Variants in NUDCD3 observed in about 807,000 individuals in gnomAD.
NUDCD3 encodes the protein nudC domain-containing protein 3.
NUDCD3 carries 13 observed loss-of-function variants against 39.7 expected under a neutral mutation model. That is an observed-to-expected ratio of 0.33 (90% CI 0.21 to 0.52). The LOEUF is 0.52. Ranked by LOEUF, NUDCD3 falls within the 20% of genes least tolerant of loss-of-function variation. The pLI, the probability that NUDCD3 is intolerant of heterozygous loss-of-function variation, is 0.96. For missense variants in NUDCD3, 453 were observed against 458.1 expected (o/e 0.99, Z 0.10); for synonymous variants, 175 against 172.4 (o/e 1.02, Z -0.12).
intron 5 of NUDCD3, among the ~76,000 whole-genome samples, chr7:44,386,360 C>T (rs568943253): frequency 6.6e-6 from 1 of 152,336 alleles, no homozygotes; most frequent in African/African-American, 2.4e-5. Flanking sequence ...TCTAACCCTC[C>T]ATCTTCTGTC....
At chr7:44,438,780 A>T (rs994589958) in intron 2 of NUDCD3, among the ~76,000 whole-genome samples, 3 of 152,208 alleles carry the variant, frequency 2.0e-5, no homozygotes, top group Non-Finnish European at 4.4e-5. Context: ...ATGGAATGAA[A>T]TACGCAAGAT....
chr7:44,401,859 T>C (rs1798733315), intron 4 of NUDCD3, among the ~76,000 whole-genome samples: 3 of 152,220 alleles, frequency 2.0e-5, no homozygotes, highest in African/African-American at 7.2e-5. Context: ...GGGATTGTGC[T>C]ATGGCCCCGG....
At chr7:44,471,303 A>C (rs1800252918) in intron 2 of NUDCD3, among the ~76,000 whole-genome samples, 1 of 152,238 alleles carries the variant, frequency 6.6e-6, no homozygotes, top group Admixed American at 6.5e-5. Flanking sequence ...ATGCTATGTA[A>C]ATAGTTGTTA....
At chr7:44,490,370 G>A in intron 1 of NUDCD3, 39 bp downstream of exon 1, 1 of 1,486,254 alleles carries the variant, frequency 6.7e-7, no homozygotes, top group South Asian at 1.3e-5. Context: ...GGCAGGCCGG[G>A]GGCGGCGGCT....
chr7:44,402,899 C>T (rs770330260), intron 4 of NUDCD3: 1 of 274,432 alleles, frequency 3.6e-6, no homozygotes, highest in Non-Finnish European at 7.5e-6. Flanking sequence ...GCTCTCATAC[C>T]TCCACAACCA....
chr7:44,409,246 G>C (rs1176882557), intron 3 of NUDCD3, among the ~76,000 whole-genome samples: 2 of 152,164 alleles, frequency 1.3e-5, no homozygotes, highest in Non-Finnish European at 2.9e-5. Context: ...TAAAGGCTAA[G>C]GCAGTTTTTA....
At chr7:44,463,924 C>A (rs1393885821) in intron 2 of NUDCD3, among the ~76,000 whole-genome samples, 2 of 152,024 alleles carry the variant, frequency 1.3e-5, no homozygotes, top group East Asian at 3.9e-4. Context: ...CCAAAAGAAT[C>A]ATTTCCTGGC....
Position 44,427,557 on chromosome 7 carries a change from G to C in NUDCD3, c.642+14C>G. 6.2e-7 allele frequency: 1 copy of C among 1,609,118 alleles called. No homozygotes were observed. Among genetic ancestry groups the C allele is most frequent in the Non-Finnish European group, 8.5e-7 (1 of 1,177,590 alleles). ...TGGGTGAAGCCGCCCACCCCTACCC[G>C]CCAAGGCCATTACCTGCTTTCCCTT... On this transcript the variant is annotated intron_variant, in intron 3 of 5. Transcript: ENST00000355451.
chr7:44,453,380 TA>T (rs1002022181), intron 2 of NUDCD3, among the ~76,000 whole-genome samples: 1 of 151,450 alleles, frequency 6.6e-6, no homozygotes, highest in African/African-American at 2.4e-5. Flanking sequence ...AATAAATAAA[TA>T]AATAATAATA....
At chr7:44,426,533 A>C (rs1399962686) in intron 3 of NUDCD3, among the ~76,000 whole-genome samples, 1 of 152,174 alleles carries the variant, frequency 6.6e-6, no homozygotes, top group African/African-American at 2.4e-5. Context: ...GCGGTGGCTC[A>C]CGCCTGTAAT....
At position 44,385,839 on chromosome 7, in the gene NUDCD3, G is replaced by C. The variant is rs1798391696; in HGVS notation, c.*172C>G. On this transcript the variant is annotated 3_prime_UTR_variant, in exon 6 of 6. Coordinates refer to ENST00000355451, the MANE Select transcript of NUDCD3 (RefSeq NM_015332.4). ...TAGCAGCTGGCCCCGCACCTTCTCT[G>C]GAACAGTCTGGAGATGCAAGGTCAG... is the stretch of plus-strand genomic sequence containing the variant. 1.7e-6 allele frequency: 1 copy of C among 595,620 alleles called. No individual in the cohort carries two copies. The highest frequency in any genetic ancestry group is 2.0e-5 in the South Asian group (1 of 49,384). 36.9% of individuals were successfully genotyped at this position (595,620 alleles called of 1,614,324 possible). A position where few individuals can be genotyped will look rare whatever the true frequency, so the allele number is the denominator to read the frequency against.
chr7:44,399,137 G>GGGTGCCCAGCACCCTGTCCAT (rs1357029156), intron 4 of NUDCD3, among the ~76,000 whole-genome samples: 3 of 152,178 alleles, frequency 2.0e-5, no homozygotes, highest in African/African-American at 7.2e-5. Context: ...CATGAAACGA[G>GGGTGCCCAGCACCCTGTCCAT]GGTGCCCAGC....
intron 4 of NUDCD3, 133 bp from the exon 5 acceptor site, chr7:44,392,618 G>A: frequency 2.7e-6 from 2 of 728,570 alleles, no homozygotes; most frequent in Non-Finnish European, 4.5e-6. Context: ...GGAGGTGACA[G>A]ACAAGAGGGG....
intron 3 of NUDCD3, among the ~76,000 whole-genome samples, chr7:44,410,009 A>T (rs1798893160): frequency 6.6e-6 from 1 of 152,182 alleles, no homozygotes; most frequent in Non-Finnish European, 1.5e-5. Context: ...AGGAGGAAAA[A>T]ACAGTGAAGA....
chr7:44,386,026 C>T lies in NUDCD3; in HGVS notation c.1071G>A (p.Gly357=). The change falls in exon 6 of 6, where the codon GGG becomes GGA. Residue 357 remains glycine (G), a synonymous_variant. Coordinates refer to ENST00000355451, the MANE Select transcript of NUDCD3 (RefSeq NM_015332.4). ...CTTCTGGTCATTAAAACTGCACAGC[C>T]CCCGGGGAGATGTTGAACATGGCAG... ...FDPAMFNISP[G]AVQF is the part of the protein sequence containing the mutation. 1 of 1,530,040 alleles carries T rather than the reference C, an allele frequency of 6.5e-7. No individual in the cohort carries two copies. Among genetic ancestry groups the T allele is most frequent in the South Asian group, 1.1e-5 (1 of 89,460 alleles). The allele number at this position is 1,530,040 out of a possible 1,614,324, so 94.8% of individuals were successfully genotyped here.
intron 4 of NUDCD3, among the ~76,000 whole-genome samples, chr7:44,404,023 T>C (rs1267523420): frequency 6.6e-6 from 1 of 152,204 alleles, no homozygotes; most frequent in Non-Finnish European, 1.5e-5. Context: ...GCTGTTCATT[T>C]GGAGTCACAC....
intron 2 of NUDCD3, among the ~76,000 whole-genome samples, chr7:44,438,190 A>C (rs1327160928): frequency 6.6e-6 from 1 of 151,950 alleles, no homozygotes; most frequent in East Asian, 1.9e-4. Flanking sequence ...AGACCCCCCC[A>C]TCTCTTAAAA....
rs753616612 is a variant in NUDCD3, at chr7:44,490,616, A to T, written c.-16T>A. On this transcript the variant is annotated 5_prime_UTR_variant, in exon 1 of 6. Transcript: ENST00000355451. ...CTGTCTCCATGTCGCCTCCCGCCCT[A>T]GGTACGCTTCACACACACAGCGCCG... is the stretch of plus-strand genomic sequence containing the variant. The T allele has an allele frequency of 5.3e-5, 85 of 1,592,200 alleles. No homozygotes were observed. Among genetic ancestry groups the T allele is most frequent in the Non-Finnish European group, 7.3e-5 (85 of 1,169,928 alleles).
At position 44,424,478 on chromosome 7, in the gene NUDCD3, A is replaced by G. The variant is rs1172385502; in HGVS notation, c.642+3093T>C. Among the ~76,000 whole-genome samples the G allele has an allele frequency of 2.0e-5, 3 of 152,352 alleles. No homozygotes were observed. The East Asian group carries it at 5.8e-4, about 29-fold the overall frequency. On this transcript the variant is annotated intron_variant, in intron 3 of 5. Transcript: ENST00000355451. ...AAAAATCCCATCAAAAGGTGGGCAA[A>G]GGATATGAAGAGACACTTCTCAAAA...
Sources: allele counts gnomAD v4.1 joint callset (sites outside exome capture counted in the v4.1 genomes callset), GRCh38; gene constraint gnomAD v4.1.1; transcripts MANE v1.5; gene names NCBI Gene and HGNC (gene_info 2026-07-23, HGNC 2026-07-21).